CRTAP: variants seen among roughly 807,000 people sequenced by gnomAD.
CRTAP encodes the protein cartilage-associated protein.
CRTAP carries 33 observed loss-of-function variants against 42.7 expected under a neutral mutation model. The observed-to-expected ratio is 0.77, with a 90% confidence interval of 0.59 to 1.03. The LOEUF (loss-of-function observed/expected upper bound fraction) is 1.03. Among genes scored for constraint, CRTAP ranks in the 50% least tolerant of loss-of-function variants. CRTAP has a pLI of 0.00. For missense variants in CRTAP, 613 were observed against 533.9 expected (o/e 1.15, Z -1.46); for synonymous variants, 243 against 217.7 (o/e 1.12, Z -1.02).
intron 2 of CRTAP, 82 bp downstream of exon 2, chr3:33,120,575 T>C (rs1184072027): frequency 1.2e-5 from 18 of 1,548,752 alleles, no homozygotes; most frequent in Middle Eastern, 4.0e-4. Flanking sequence ...TGCTGATAGC[T>C]AAGGACCTCT....
In CRTAP at chr3:33,114,149, G is replaced by A. The variant is rs776316982; in HGVS notation, c.72G>A (p.Gly24=). The A allele has an allele frequency of 1.2e-5, 19 of 1,580,230 alleles. No individual in the cohort carries two copies. Among genetic ancestry groups the A allele is most frequent in the Non-Finnish European group, 1.5e-5 (17 of 1,172,040 alleles). The change falls in exon 1 of 7, where the codon GGG becomes GGA. Residue 24 remains glycine (G), a synonymous_variant. Transcript: ENST00000320954. The stretch of plus-strand genomic sequence containing the variant: ...GCGTGGCCTGCGCGCTGCGCGCCGG[G>A]CGCGCCCAATACGAACGCTACAGCT... ...LLCVACALRA[G]RAQYERYSFR...
At chr3:33,117,845 T>C (rs1218196284) in intron 1 of CRTAP, among the ~76,000 whole-genome samples, 1 of 152,230 alleles carries the variant, frequency 6.6e-6, no homozygotes, top group Non-Finnish European at 1.5e-5. Context: ...AGAGCCTGAG[T>C]TGAAGTAAAT....
chr3:33,139,155 T>C (rs1416590815), intron 6 of CRTAP, among the ~76,000 whole-genome samples: 2 of 151,542 alleles, frequency 1.3e-5, no homozygotes, highest in African/African-American at 4.8e-5. Context: ...AAAAAAAAAT[T>C]AGCTAAGTAT....
intron 5 of CRTAP, 64 bp from the exon 6 acceptor site, chr3:33,134,118 C>T (rs1475223848): frequency 9.0e-7 from 1 of 1,110,374 alleles, no homozygotes; most frequent in Non-Finnish European, 1.4e-6. Context: ...CCTGTTCCTC[C>T]CTCCTCCCAG....
chr3:33,129,245 A>C (rs2030166403), intron 3 of CRTAP, among the ~76,000 whole-genome samples: 1 of 152,220 alleles, frequency 6.6e-6, no homozygotes, highest in Non-Finnish European at 1.5e-5. Context: ...TTTTGCTTCC[A>C]TCAACAGAAT....
intron 2 of CRTAP, among the ~76,000 whole-genome samples, chr3:33,123,248 C>CT (rs1288940133): frequency 3.3e-5 from 5 of 152,180 alleles, no homozygotes; most frequent in Non-Finnish European, 5.9e-5. Context: ...CAGACACCTG[C>CT]TGATATGGTT....
At chr3:33,119,122 C>A (rs963030256) in intron 1 of CRTAP, among the ~76,000 whole-genome samples, 2 of 152,202 alleles carry the variant, frequency 1.3e-5, no homozygotes, top group African/African-American at 4.8e-5. Context: ...TATCTACCTC[C>A]CCTGAGACAG....
chr3:33,140,909 T>C (rs995610132), intron 6 of CRTAP, among the ~76,000 whole-genome samples: 1 of 152,124 alleles, frequency 6.6e-6, no homozygotes, highest in African/African-American at 2.4e-5. Context: ...CACCACAGAG[T>C]TGTTCTTGCC....
At chr3:33,131,904 G>C (rs1221567274) in intron 4 of CRTAP, among the ~76,000 whole-genome samples, 2 of 151,958 alleles carry the variant, frequency 1.3e-5, no homozygotes, top group African/African-American at 2.4e-5. Flanking sequence ...CATACCAGGG[G>C]CTTGTGTCTC....
chr3:33,123,239 A>T (rs1233058834), intron 2 of CRTAP, among the ~76,000 whole-genome samples: 1 of 152,194 alleles, frequency 6.6e-6, no homozygotes. Context: ...GTGGGGTGAC[A>T]GACACCTGCT....
intron 6 of CRTAP, 73 bp from the exon 7 acceptor site, chr3:33,142,322 A>T: frequency 7.3e-7 from 1 of 1,365,116 alleles, no homozygotes; most frequent in Non-Finnish European, 1.0e-6. Flanking sequence ...CTCTCGGGAT[A>T]CTGTTTCTGC....
intron 4 of CRTAP, among the ~76,000 whole-genome samples, chr3:33,131,111 G>A (rs1164080644): frequency 1.3e-5 from 2 of 152,166 alleles, no homozygotes; most frequent in African/African-American, 4.8e-5. Flanking sequence ...AAATGCCAGG[G>A]TCTAGCGGTG....
intron 6 of CRTAP, among the ~76,000 whole-genome samples, chr3:33,139,877 T>G (rs1346653278): frequency 6.6e-6 from 1 of 152,250 alleles, no homozygotes; most frequent in Non-Finnish European, 1.5e-5. Context: ...TTAATATTCA[T>G]TATAAAAATG....
intron 6 of CRTAP, among the ~76,000 whole-genome samples, chr3:33,138,492 C>G (rs962454634): frequency 6.6e-6 from 1 of 152,076 alleles, no homozygotes; most frequent in African/African-American, 2.4e-5. Flanking sequence ...TTCTTTCCAA[C>G]CCCTAGTATT....
At chr3:33,125,504 T>TTG (rs1553617163) in intron 3 of CRTAP, among the ~76,000 whole-genome samples, 3 of 146,470 alleles carry the variant, frequency 2.0e-5, no homozygotes, top group African/African-American at 2.5e-5. Context: ...TTTTTTTTTT[T>TTG]TTTTTTTTTT....
At chr3:33,141,918 A>G (rs563057349) in intron 6 of CRTAP, among the ~76,000 whole-genome samples, 2 of 152,342 alleles carry the variant, frequency 1.3e-5, no homozygotes, top group South Asian at 2.1e-4. Context: ...CAAGCACTCA[A>G]TCATTCATCC....
At position 33,145,775 on chromosome 3, in the gene CRTAP, T is replaced by G. The variant is rs1304214447; in HGVS notation, c.*3327T>G. ...CAGAGGTACTGTTGGGTCCTTGTCT[T>G]GTGAGCCTGGGGTGAGCTCTCTGTA... is the stretch of plus-strand genomic sequence containing the variant. On this transcript the variant is annotated 3_prime_UTR_variant, in exon 7 of 7. Coordinates refer to ENST00000320954, the MANE Select transcript of CRTAP (RefSeq NM_006371.5). This position sits in a 1 kb window ranked among gnomAD's most constrained non-coding sequence, Gnocchi z 4.3. The G allele has an allele frequency of 6.6e-6, 1 of 152,300 alleles. No individual in the cohort carries two copies. Among genetic ancestry groups the G allele is most frequent in the Non-Finnish European group, 1.5e-5 (1 of 68,112 alleles). The allele number at this position is 152,300 out of a possible 1,614,324, so 9.4% of individuals were successfully genotyped here.
In CRTAP at chr3:33,120,821, A is replaced by G. The variant is rs148540827; in HGVS notation, c.621+328A>G. On this transcript the variant is annotated intron_variant, in intron 2 of 6. Coordinates refer to ENST00000320954, the MANE Select transcript of CRTAP (RefSeq NM_006371.5). ...GACCAGGAACACAAGAAATAGAAAC[A>G]TAAATCTCCAGTTTTGATGAAATGA... Among the ~76,000 whole-genome samples, 424 of 152,314 alleles carry G rather than the reference A, an allele frequency of 2.8e-3. 2 individuals carry two copies. The highest frequency in any genetic ancestry group is 9.4e-3 in the African/African-American group (390 of 41,552).
At position 33,129,961 on chromosome 3, in the gene CRTAP, A is replaced by T; in HGVS notation, c.816A>T (p.Glu272Asp). The T allele has an allele frequency of 6.2e-7, 1 of 1,613,714 alleles. No individual in the cohort carries two copies. The highest frequency in any genetic ancestry group is 8.5e-7 in the Non-Finnish European group (1 of 1,179,588). The change falls in exon 4 of 7, where the codon GAA (glutamate) becomes GAT (aspartate). Residue 272 changes from glutamate to aspartate, a missense_variant. By Grantham distance (45) the Glu-to-Asp change is conservative. Coordinates refer to ENST00000320954, the MANE Select transcript of CRTAP (RefSeq NM_006371.5). ...SIADHYVEVL[E>D]CKIQCEENLT... ...CAGATCATTATGTAGAAGTTCTGGA[A>T]TGCAAAATACAGTGTGAAGAGAACC...
Sources: allele counts gnomAD v4.1 joint callset (sites outside exome capture counted in the v4.1 genomes callset), GRCh38; gene constraint gnomAD v4.1.1; non-coding constraint Gnocchi (gnomAD v3.1); transcripts MANE v1.5; gene names NCBI Gene and HGNC (gene_info 2026-07-23, HGNC 2026-07-21).